Variants in CAPN9 observed in about 807,000 individuals in gnomAD.
CAPN9 encodes calpain-9.
Under a neutral mutation model 92.8 loss-of-function variants are expected in CAPN9, and 81 were observed. That is an observed-to-expected ratio of 0.87 (90% CI 0.73 to 1.05). The LOEUF (loss-of-function observed/expected upper bound fraction) is 1.05. CAPN9 is among the 50% of genes least tolerant of loss of function. The pLI, the probability that CAPN9 is intolerant of heterozygous loss-of-function variation, is 0.00. For synonymous variants in CAPN9, 304 were observed against 328.0 expected (o/e 0.93, Z 0.79); for missense variants, 848 against 866.2 (o/e 0.98, Z 0.26).
chr1:230,799,176 A>G (rs913510506), intron 19 of CAPN9, among the ~76,000 whole-genome samples: 2 of 152,132 alleles, frequency 1.3e-5, no homozygotes, highest in Non-Finnish European at 2.9e-5. Context: ...TTCCAAATTC[A>G]TTAGTAACTT....
intron 19 of CAPN9, 49 bp downstream of exon 19, chr1:230,798,269 A>G (rs779700599): frequency 1.6e-5 from 20 of 1,248,638 alleles, no homozygotes; most frequent in Non-Finnish European, 2.2e-5. Context: ...GGGGCCCAGC[A>G]GAGTCCACGC....
chr1:230,780,081 CGTGTGTGTGTGT>C (rs59033537), intron 9 of CAPN9, 86 bp from the exon 10 acceptor site: 7,672 of 643,014 alleles, frequency 0.012, 7 homozygotes, highest in Non-Finnish European at 0.014. Flanking sequence ...GGTGTATGTG[CGTGTGTGTGTGT>C]GTGTGTGTGT....
intron 19 of CAPN9, among the ~76,000 whole-genome samples, chr1:230,800,046 C>T (rs1266807578): frequency 6.6e-6 from 1 of 151,062 alleles, no homozygotes. Context: ...GGCATGGTGG[C>T]GGGCGCCTGT....
intron 8 of CAPN9, 121 bp from the exon 9 acceptor site, chr1:230,778,852 C>G (rs1454565226): frequency 4.5e-6 from 4 of 887,726 alleles, no homozygotes; most frequent in East Asian, 5.5e-5. Context: ...GCAGTCCCCC[C>G]ACTCCTTGCG....
intron 19 of CAPN9, among the ~76,000 whole-genome samples, chr1:230,800,220 TAAGA>T (rs1173295356): frequency 4.3e-5 from 1 of 23,098 alleles, no homozygotes; most frequent in Admixed American, 4.1e-4. Context: ...GAAAGAAAAA[TAAGA>T]AAGAAAGAAG....
rs1181586700 is a variant in CAPN9, at chr1:230,800,248, AAG to A, written c.2047-1320_2047-1319del. Among the ~76,000 whole-genome samples the A allele has an allele frequency of 3.9e-3, 453 of 115,072 alleles. 18 individuals carry two copies. The highest frequency in any genetic ancestry group is 0.014 in the African/African-American group (422 of 30,078). The allele number at this position is 115,072 out of a possible 152,430, so 75.5% of individuals were successfully genotyped here. A position where few individuals can be genotyped will look rare whatever the true frequency, so the allele number is the denominator to read the frequency against. On this transcript the variant is annotated intron_variant, in intron 19 of 19. Coordinates refer to ENST00000271971, the MANE Select transcript of CAPN9 (RefSeq NM_006615.3). ...GAAAGAAAGAAGAAAGAAAGAAAGA[AAG>A]AAAGAAAGAAAGAAAGAAAGAAAGA... is the stretch of plus-strand genomic sequence containing the variant.
rs1668593178 is a variant in CAPN9 at position 230,800,224 on chromosome 1, A to T, written c.2047-1346A>T. Among the ~76,000 whole-genome samples, 4 of 51,998 alleles carry T rather than the reference A, an allele frequency of 7.7e-5. No homozygotes were observed. In the East Asian group the frequency reaches 1.2e-3, roughly 16 times the overall value. 34.1% of individuals were successfully genotyped at this position (51,998 alleles called of 152,430 possible). A position where few individuals can be genotyped will look rare whatever the true frequency, so the allele number is the denominator to read the frequency against. The stretch of plus-strand genomic sequence containing the variant: ...AAGAAAGAAAAGAAAGAAAAATAAG[A>T]AAGAAAGAAGAAAGAAAGAAAGAAA... On this transcript the variant is annotated intron_variant, in intron 19 of 19. Coordinates refer to ENST00000271971, the MANE Select transcript of CAPN9 (RefSeq NM_006615.3).
At chr1:230,750,560 A>G (rs1664701547) in intron 1 of CAPN9, among the ~76,000 whole-genome samples, 1 of 152,184 alleles carries the variant, frequency 6.6e-6, no homozygotes, top group Admixed American at 6.5e-5. Flanking sequence ...GTAGCGGGCC[A>G]TAGGGAAATC....
chr1:230,792,059 A>T (rs1304854854), intron 15 of CAPN9, 131 bp downstream of exon 15: 2 of 736,562 alleles, frequency 2.7e-6, no homozygotes, highest in African/African-American at 3.5e-5. Context: ...TCTTCACAGA[A>T]AATAACCCAA....
At chr1:230,772,767 GA>G (rs1412279069) in intron 7 of CAPN9, among the ~76,000 whole-genome samples, 65 of 144,670 alleles carry the variant, frequency 4.5e-4, no homozygotes, top group African/African-American at 1.5e-3. Context: ...TTTTTTAAAG[GA>G]AAAAAAATAG....
Position 230,792,574 on chromosome 1 carries a change from G to T in CAPN9, c.1791+80G>T, listed in dbSNP as rs1423558613. ...GAGGGGATTTAAAATGGTGCAGCAGGCTGCAGGCTATAGGCTAGAGGAATT... is the reference window on the plus strand; with the variant it reads ...GAGGGGATTTAAAATGGTGCAGCAGTCTGCAGGCTATAGGCTAGAGGAATT... On this transcript the variant is annotated intron_variant, in intron 16 of 19. Coordinates refer to ENST00000271971, the MANE Select transcript of CAPN9 (RefSeq NM_006615.3). The T allele has an allele frequency of 3.5e-6, 4 of 1,127,018 alleles. No individual in the cohort carries two copies. The East Asian group carries it at 9.4e-5, about 26-fold the overall frequency. The allele number at this position is 1,127,018 out of a possible 1,614,324, so 69.8% of individuals were successfully genotyped here.
intron 18 of CAPN9, 100 bp downstream of exon 18, chr1:230,795,379 T>C (rs1206932001): frequency 2.0e-5 from 14 of 712,176 alleles, no homozygotes; most frequent in Non-Finnish European, 3.2e-5. Flanking sequence ...ATGGCAAAGA[T>C]AGACCACAGA....
intron 11 of CAPN9, among the ~76,000 whole-genome samples, chr1:230,781,369 G>A (rs1371513178): frequency 1.3e-5 from 2 of 152,082 alleles, no homozygotes; most frequent in African/African-American, 4.8e-5. Flanking sequence ...CCACATGCAG[G>A]GATGCTAGAC....
intron 4 of CAPN9, among the ~76,000 whole-genome samples, chr1:230,764,410 A>G (rs1274890237): frequency 2.6e-5 from 4 of 151,880 alleles, no homozygotes; most frequent in African/African-American, 9.7e-5. Context: ...TACATCATCA[A>G]CCCCCCAATT....
intron 11 of CAPN9, among the ~76,000 whole-genome samples, chr1:230,781,332 AT>A (rs1330728469): frequency 6.6e-6 from 1 of 152,094 alleles, no homozygotes; most frequent in Non-Finnish European, 1.5e-5. Flanking sequence ...TTCAGACCCT[AT>A]TACCAAGAAG....
intron 18 of CAPN9, among the ~76,000 whole-genome samples, chr1:230,796,310 G>A (rs2102939845): frequency 6.8e-6 from 1 of 147,300 alleles, no homozygotes; most frequent in South Asian, 2.2e-4. Context: ...GGCAACAGTG[G>A]GAGACTCCAT....
intron 1 of CAPN9, among the ~76,000 whole-genome samples, chr1:230,749,862 C>G (rs945027984): frequency 2.6e-5 from 4 of 152,208 alleles, no homozygotes; most frequent in Non-Finnish European, 5.9e-5. Context: ...CGTCTCCTGA[C>G]TCTAGGAGGG....
At chr1:230,764,355 C>T (rs904236644) in intron 4 of CAPN9, among the ~76,000 whole-genome samples, 4 of 152,236 alleles carry the variant, frequency 2.6e-5, no homozygotes, top group Admixed American at 1.3e-4. Flanking sequence ...TGCTCTTGGA[C>T]ATTGGAGCTC....
chr1:230,787,822 A>C (rs1667712412), intron 13 of CAPN9, among the ~76,000 whole-genome samples: 1 of 152,192 alleles, frequency 6.6e-6, no homozygotes, highest in Non-Finnish European at 1.5e-5. Flanking sequence ...CAGTGAGCCC[A>C]AAGAAGCTTG....
Sources: allele counts gnomAD v4.1 joint callset (sites outside exome capture counted in the v4.1 genomes callset), GRCh38; gene constraint gnomAD v4.1.1; transcripts MANE v1.5; gene names NCBI Gene and HGNC (gene_info 2026-07-23, HGNC 2026-07-21).